The following SOX5 variants were observed in gnomAD, a reference collection of about 807,000 sequenced individuals.
The protein encoded by SOX5 is transcription factor SOX-5.
A neutral mutation model predicts 92.0 loss-of-function variants in SOX5; 9 were observed. That is an observed-to-expected ratio of 0.10 (90% CI 0.06 to 0.17). The LOEUF is 0.17. Among genes scored for constraint, SOX5 ranks in the 10% least tolerant of loss-of-function variants. The pLI, the probability that SOX5 is intolerant of heterozygous loss-of-function variation, is 1.00. For synonymous variants in SOX5, 344 were observed against 336.3 expected, an observed-to-expected ratio of 1.02 and a Z score of -0.25; for missense variants, 642 against 944.5, an observed-to-expected ratio of 0.68 and a Z score of 4.20.
chr12:23,960,710 C>T (rs7953369), intron 4 of SOX5, among the ~76,000 whole-genome samples: 1,851 of 150,562 alleles, frequency 0.012, 39 homozygotes, highest in African/African-American at 0.042. Context: ...ATATATTAAG[C>T]GAAAAAAACA....
intron 4 of SOX5, among the ~76,000 whole-genome samples, chr12:24,201,061 G>A (rs978020940): frequency 1.2e-4 from 19 of 152,048 alleles, no homozygotes; most frequent in African/African-American, 4.6e-4. Context: ...ATGGTCAATA[G>A]GAAAACCAAT....
At chr12:24,408,542 C>T (rs1375818725) in intron 1 of SOX5, among the ~76,000 whole-genome samples, 1 of 152,082 alleles carries the variant, frequency 6.6e-6, no homozygotes, top group African/African-American at 2.4e-5. Context: ...TGTTTCCGCT[C>T]CACCCCACCC....
chr12:24,376,464 C>A (rs2136312341), intron 1 of SOX5, among the ~76,000 whole-genome samples: 1 of 152,198 alleles, frequency 6.6e-6, no homozygotes, highest in Non-Finnish European at 1.5e-5. Flanking sequence ...CTTAACCTTG[C>A]AAATTCATGA....
rs140065948 is a variant in SOX5, at chr12:23,578,052, C to T, written c.1165-2214G>A. Among the ~76,000 whole-genome samples the T allele has an allele frequency of 5.0e-3, 653 of 129,670 alleles. 2 individuals are homozygous for T. Among genetic ancestry groups the T allele is most frequent in the Middle Eastern group, 0.038 (9 of 234 alleles). The allele number at this position is 129,670 out of a possible 152,430, so 85.1% of individuals were successfully genotyped here. On this transcript the variant is annotated intron_variant, in intron 9 of 14. Transcript: ENST00000451604. ...AGGAGAATCACCTGAACCCGGGAGG[C>T]GGAGGCTGCAGTGAGTTAGATCGTG... is the stretch of plus-strand genomic sequence containing the variant.
intron 6 of SOX5, among the ~76,000 whole-genome samples, chr12:23,718,667 T>C (rs1207053469): frequency 6.6e-6 from 1 of 152,226 alleles, no homozygotes; most frequent in Non-Finnish European, 1.5e-5. Flanking sequence ...AAAAACCTTA[T>C]AAAACAACAA....
intron 1 of SOX5, among the ~76,000 whole-genome samples, chr12:24,468,921 T>C (rs768625878): frequency 6.6e-6 from 1 of 152,230 alleles, no homozygotes; most frequent in Non-Finnish European, 1.5e-5. Context: ...ACAGGTTTCA[T>C]GGAAGACAAT....
At chr12:23,966,985 C>G (rs1303970278) in intron 4 of SOX5, among the ~76,000 whole-genome samples, 1 of 152,046 alleles carries the variant, frequency 6.6e-6, no homozygotes, top group East Asian at 1.9e-4. Context: ...CTGAAAAGAG[C>G]AATGAGATGC....
At chr12:23,880,599 T>C (rs1027515690) in intron 2 of SOX5, among the ~76,000 whole-genome samples, 3 of 152,166 alleles carry the variant, frequency 2.0e-5, no homozygotes, top group Admixed American at 6.5e-5. Flanking sequence ...CCCCTTTTAA[T>C]AAGTAAAAAT....
At chr12:24,259,929 T>G (rs1176221003) in intron 3 of SOX5, among the ~76,000 whole-genome samples, 1 of 152,108 alleles carries the variant, frequency 6.6e-6, no homozygotes, top group Non-Finnish European at 1.5e-5. Context: ...CTTGAAGAAG[T>G]TTGATGTTGG....
At chr12:24,013,788 G>T (rs555705426) in intron 4 of SOX5, among the ~76,000 whole-genome samples, 2 of 152,138 alleles carry the variant, frequency 1.3e-5, no homozygotes, top group Non-Finnish European at 2.9e-5. Flanking sequence ...GTAAATATTA[G>T]AACAAATTAG....
At chr12:23,557,747 G>A (rs1021016029) in intron 11 of SOX5, among the ~76,000 whole-genome samples, 1 of 152,116 alleles carries the variant, frequency 6.6e-6, no homozygotes, top group Non-Finnish European at 1.5e-5. Flanking sequence ...AGGCCAAGGC[G>A]GGCGGATCAT....
At chr12:23,775,419 T>C (rs1201178265) in intron 3 of SOX5, among the ~76,000 whole-genome samples, 1 of 152,152 alleles carries the variant, frequency 6.6e-6, no homozygotes, top group Admixed American at 6.6e-5. Context: ...GTCTGTTGAA[T>C]TTCAAAGACT....
At chr12:23,856,438 C>G (rs571787340) in intron 2 of SOX5, among the ~76,000 whole-genome samples, 1 of 152,046 alleles carries the variant, frequency 6.6e-6, no homozygotes, top group African/African-American at 2.4e-5. Context: ...TGCAAATGTT[C>G]TATGGGCTTT....
chr12:24,419,849 G>A (rs1242699764), intron 1 of SOX5, among the ~76,000 whole-genome samples: 1 of 152,076 alleles, frequency 6.6e-6, no homozygotes, highest in East Asian at 1.9e-4. Flanking sequence ...GAAATACCAT[G>A]CTAAAAAAAA....
rs115434154 is a variant in SOX5, at chr12:23,533,015, T to C, written c.*1204A>G. On this transcript the variant is annotated 3_prime_UTR_variant, in exon 15 of 15. Coordinates refer to ENST00000451604, the MANE Select transcript of SOX5 (RefSeq NM_006940.6). Reference sequence around the variant, plus strand: ...CAGTTTGCTAGTAGCTTCCATGTTATACATGCACACCTCTATTACACAGGG... The same window carrying C: ...CAGTTTGCTAGTAGCTTCCATGTTACACATGCACACCTCTATTACACAGGG... 1,828 of 222,408 alleles carry C rather than the reference T, an allele frequency of 8.2e-3. 36 individuals are homozygous for C. The highest frequency in any genetic ancestry group is 0.039 in the African/African-American group (1,713 of 43,778). The allele number at this position is 222,408 out of a possible 1,614,324, so 13.8% of individuals were successfully genotyped here. A position where few individuals can be genotyped will look rare whatever the true frequency, so the allele number is the denominator to read the frequency against.
chr12:23,916,270 A>G (rs2097416104), intron 1 of SOX5, among the ~76,000 whole-genome samples: 1 of 152,204 alleles, frequency 6.6e-6, no homozygotes, highest in Non-Finnish European at 1.5e-5. Flanking sequence ...AATGTTTGAA[A>G]ACAAAGGAGT....
At chr12:23,660,683 G>A (rs1050087148) in intron 7 of SOX5, among the ~76,000 whole-genome samples, 1 of 148,208 alleles carries the variant, frequency 6.7e-6, no homozygotes, top group Non-Finnish European at 1.5e-5. Flanking sequence ...TGTAATAGGT[G>A]AAAGACAATA....
chr12:24,375,039 C>G (rs1957114637), intron 1 of SOX5, among the ~76,000 whole-genome samples: 1 of 152,086 alleles, frequency 6.6e-6, no homozygotes, highest in Admixed American at 6.5e-5. Context: ...GTGGTGCAAT[C>G]TCGGCTCACT....
chr12:24,473,825 T>C (rs1269473053), intron 1 of SOX5, among the ~76,000 whole-genome samples: 1 of 152,178 alleles, frequency 6.6e-6, no homozygotes, highest in East Asian at 1.9e-4. Flanking sequence ...AGATCTATAA[T>C]CGAAGATAGA....
Sources: allele counts gnomAD v4.1 joint callset (sites outside exome capture counted in the v4.1 genomes callset), GRCh38; gene constraint gnomAD v4.1.1; transcripts MANE v1.5; gene names NCBI Gene and HGNC (gene_info 2026-07-23, HGNC 2026-07-21).